Variants in RBFOX1 observed in about 807,000 individuals in gnomAD.
RBFOX1 encodes the protein RNA binding fox-1 homolog 1.
Under a neutral mutation model 57.7 loss-of-function variants are expected in RBFOX1, and 8 were observed. That is an observed-to-expected ratio of 0.14 (90% CI 0.08 to 0.25). The LOEUF is 0.25. Among genes scored for constraint, RBFOX1 ranks in the 10% least tolerant of loss-of-function variants. RBFOX1 has a pLI of 1.00. For synonymous variants in RBFOX1, 326 were observed against 222.4 expected (o/e 1.47, Z -4.15); for missense variants, 611 against 548.5 (o/e 1.11, Z -1.14).
At chr16:6,773,473 G>T (rs1381613596) in intron 3 of RBFOX1, among the ~76,000 whole-genome samples, 1 of 148,068 alleles carries the variant, frequency 6.8e-6, no homozygotes, top group Non-Finnish European at 1.5e-5. Context: ...GTGTGTATGT[G>T]TGGGTGTGGG....
At chr16:7,681,957 G>T (rs145886628) in intron 14 of RBFOX1, among the ~76,000 whole-genome samples, 14 of 152,186 alleles carry the variant, frequency 9.2e-5, no homozygotes, top group African/African-American at 3.4e-4. Flanking sequence ...TTCTAGTGCC[G>T]TATTGAAAGC....
At chr16:6,510,756 T>C (rs1327717735) in intron 2 of RBFOX1, among the ~76,000 whole-genome samples, 2 of 151,174 alleles carry the variant, frequency 1.3e-5, no homozygotes, top group Non-Finnish European at 2.9e-5. Context: ...TGTCCCAAAC[T>C]ATTAAAAAAA....
intron 5 of RBFOX1, among the ~76,000 whole-genome samples, chr16:7,536,588 C>T (rs374069589): frequency 1.3e-5 from 2 of 151,992 alleles, no homozygotes; most frequent in Admixed American, 6.6e-5. Flanking sequence ...AGTGAGACTT[C>T]GTCTCAAAAA....
chr16:6,875,500 A>C (rs1328132267), intron 3 of RBFOX1, among the ~76,000 whole-genome samples: 1 of 152,198 alleles, frequency 6.6e-6, no homozygotes, highest in Admixed American at 6.5e-5. Flanking sequence ...TAAGTGCAGT[A>C]TACATCAATT....
intron 3 of RBFOX1, among the ~76,000 whole-genome samples, chr16:6,830,826 A>G (rs981643296): frequency 2.0e-5 from 3 of 152,172 alleles, no homozygotes; most frequent in African/African-American, 7.2e-5. Context: ...ATCGGTGTTG[A>G]CTTTACAATA....
intron 1 of RBFOX1, among the ~76,000 whole-genome samples, chr16:5,417,646 G>C (rs940333687): frequency 2.0e-5 from 3 of 152,220 alleles, no homozygotes; most frequent in African/African-American, 7.2e-5. Context: ...GCCCTTTTCA[G>C]GTTGGATCTG....
chr16:5,468,848 C>A (rs941611883), intron 2 of RBFOX1, among the ~76,000 whole-genome samples: 2 of 152,230 alleles, frequency 1.3e-5, no homozygotes, highest in Non-Finnish European at 2.9e-5. Context: ...GTTGTGAGAT[C>A]CTGGGAGATT....
At chr16:6,202,993 C>G (rs1433111418) in intron 1 of RBFOX1, among the ~76,000 whole-genome samples, 2 of 151,920 alleles carry the variant, frequency 1.3e-5, no homozygotes, top group Non-Finnish European at 2.9e-5. Flanking sequence ...CAAGGCTGGT[C>G]TTGAAATCCT....
chr16:6,513,044 C>CAAAATACAAAAAT (rs1411168614), intron 2 of RBFOX1, among the ~76,000 whole-genome samples: 16 of 152,296 alleles, frequency 1.1e-4, no homozygotes, highest in Middle Eastern at 6.8e-3. Context: ...TACAAAATAG[C>CAAAATACAAAAAT]ACATCAATCA....
At chr16:5,381,105 C>T (rs1367656484) in intron 1 of RBFOX1, among the ~76,000 whole-genome samples, 1 of 152,154 alleles carries the variant, frequency 6.6e-6, no homozygotes, top group African/African-American at 2.4e-5. Flanking sequence ...CTGGAGAGGA[C>T]AGGATGCTGA....
At chr16:7,187,901 T>G (rs1451601214) in intron 4 of RBFOX1, among the ~76,000 whole-genome samples, 3 of 152,124 alleles carry the variant, frequency 2.0e-5, no homozygotes, top group Non-Finnish European at 4.4e-5. Flanking sequence ...TATTGTCAAG[T>G]GAACAAAGTG....
At chr16:5,768,045 A>G (rs1468357216) in intron 3 of RBFOX1, among the ~76,000 whole-genome samples, 1 of 152,206 alleles carries the variant, frequency 6.6e-6, no homozygotes, top group Non-Finnish European at 1.5e-5. Flanking sequence ...CAATTATCCA[A>G]AAATAACCCA....
chr16:7,500,923 C>T (rs1019471057), intron 4 of RBFOX1, among the ~76,000 whole-genome samples: 1 of 152,286 alleles, frequency 6.6e-6, no homozygotes, highest in East Asian at 1.9e-4. Flanking sequence ...TGAGTGACTT[C>T]TCATGAGATC....
intron 3 of RBFOX1, among the ~76,000 whole-genome samples, chr16:5,845,414 G>C (rs139519001): frequency 6.6e-6 from 1 of 152,206 alleles, no homozygotes; most frequent in East Asian, 1.9e-4. Context: ...GGGAATATTG[G>C]TCTCCAGCCT....
intron 4 of RBFOX1, among the ~76,000 whole-genome samples, chr16:7,124,054 A>G (rs1412004675): frequency 2.0e-5 from 3 of 152,216 alleles, no homozygotes; most frequent in Non-Finnish European, 2.9e-5. Flanking sequence ...ATTTAGAAAT[A>G]TTACACATAT....
At chr16:7,609,647 A>T (rs1259583559) in intron 10 of RBFOX1, among the ~76,000 whole-genome samples, 1 of 152,176 alleles carries the variant, frequency 6.6e-6, no homozygotes, top group East Asian at 1.9e-4. Context: ...AATGTATTTA[A>T]TGCTCATGGC....
At chr16:5,984,425 C>T (rs1165188313) in intron 4 of RBFOX1, among the ~76,000 whole-genome samples, 1 of 151,534 alleles carries the variant, frequency 6.6e-6, no homozygotes, top group Non-Finnish European at 1.5e-5. Context: ...AGAAGAGGAA[C>T]GCATCAATTA....
intron 1 of RBFOX1, among the ~76,000 whole-genome samples, chr16:6,223,284 C>G (rs1157562565): frequency 6.6e-6 from 1 of 150,974 alleles, no homozygotes; most frequent in Admixed American, 6.6e-5. Flanking sequence ...ACACTGACTT[C>G]CACAATGGTT....
rs28608901 is a variant in RBFOX1 at position 6,292,602 on chromosome 16, A to T, written c.-126-24393A>T. ...GAAAACAACAAAATGGTTGAGGGGGAACCTCATGGAGTCAATTTGTTTTTC... is the reference window on the plus strand; with the variant it reads ...GAAAACAACAAAATGGTTGAGGGGGTACCTCATGGAGTCAATTTGTTTTTC... On this transcript the variant is annotated intron_variant, in intron 1 of 15. Coordinates refer to ENST00000550418, the MANE Select transcript of RBFOX1 (RefSeq NM_018723.4). Among the ~76,000 whole-genome samples the T allele has an allele frequency of 8.8e-4, 133 of 150,772 alleles. 1 individual carries two copies. The highest frequency in any genetic ancestry group is 3.3e-3 in the Admixed American group (50 of 15,170).
Sources: allele counts gnomAD v4.1 joint callset (sites outside exome capture counted in the v4.1 genomes callset), GRCh38; gene constraint gnomAD v4.1.1; transcripts MANE v1.5; gene names NCBI Gene and HGNC (gene_info 2026-07-23, HGNC 2026-07-21).